SLC35F4: variants seen among roughly 807,000 people sequenced by gnomAD.
The protein encoded by SLC35F4 is solute carrier family 35 member F4, also known as chromosome 14 open reading frame 36.
In SLC35F4, 24 loss-of-function variants were observed where a neutral mutation model predicts 44.2. The ratio of observed to expected loss-of-function variants is 0.54; its 90% CI spans 0.39 to 0.76. SLC35F4 has a LOEUF of 0.76. Ranked by LOEUF, SLC35F4 falls within the 30% of genes least tolerant of loss-of-function variation. The pLI is 0.00. For synonymous variants in SLC35F4, 238 were observed against 223.6 expected, an observed-to-expected ratio of 1.06 and a Z score of -0.57; for missense variants, 562 against 586.1, an observed-to-expected ratio of 0.96 and a Z score of 0.42.
At chr14:57,792,691 A>C (rs1308767570) in intron 1 of SLC35F4, among the ~76,000 whole-genome samples, 2 of 152,176 alleles carry the variant, frequency 1.3e-5, no homozygotes, top group African/African-American at 4.8e-5. Context: ...AAAACCAAAC[A>C]TCGTGTGTTC....
chr14:57,685,964 G>T (rs960636329), intron 1 of SLC35F4, among the ~76,000 whole-genome samples: 2 of 152,198 alleles, frequency 1.3e-5, no homozygotes, highest in Non-Finnish European at 2.9e-5. Context: ...TAAGTTATGA[G>T]AGTAGGTCTG....
chr14:57,939,252 G>A (rs1889872344), intron 1 of SLC35F4, among the ~76,000 whole-genome samples: 1 of 152,196 alleles, frequency 6.6e-6, no homozygotes, highest in South Asian at 2.1e-4. Flanking sequence ...CATAACAGTA[G>A]TGAAGGGCTC....
chr14:57,716,526 A>C (rs1250994395), intron 1 of SLC35F4, among the ~76,000 whole-genome samples: 1 of 152,208 alleles, frequency 6.6e-6, no homozygotes, highest in African/African-American at 2.4e-5. Context: ...TTTCTGGTCT[A>C]AACTGTTCAT....
chr14:57,883,689 G>A (rs1888590186), intron 1 of SLC35F4, among the ~76,000 whole-genome samples: 1 of 152,114 alleles, frequency 6.6e-6, no homozygotes, highest in South Asian at 2.1e-4. Context: ...TGGCTTAATT[G>A]TCCTTGGGTG....
chr14:57,950,781 C>T (rs1422290170), intron 1 of SLC35F4, among the ~76,000 whole-genome samples: 3 of 150,476 alleles, frequency 2.0e-5, no homozygotes, highest in African/African-American at 7.4e-5. Context: ...CAATTCTCCT[C>T]CCTCAGCCTC....
chr14:57,833,264 C>T (rs1321706276), intron 1 of SLC35F4, among the ~76,000 whole-genome samples: 1 of 152,198 alleles, frequency 6.6e-6, no homozygotes, highest in Non-Finnish European at 1.5e-5. Flanking sequence ...AACCCTATCC[C>T]TAGCTCTGCA....
At chr14:57,896,478 G>T (rs75494875) in intron 1 of SLC35F4, among the ~76,000 whole-genome samples, 2,390 of 152,248 alleles carry the variant, frequency 0.016, 32 homozygotes, top group Non-Finnish European at 0.023. Context: ...AAACCCTCTA[G>T]GATGCTAGAA....
intron 1 of SLC35F4, among the ~76,000 whole-genome samples, chr14:57,738,372 T>G (rs111947427): frequency 4.9e-4 from 74 of 152,278 alleles, no homozygotes; most frequent in African/African-American, 1.8e-3. Context: ...CTGACTTCTC[T>G]ATTCTCATGA....
chr14:57,935,129 G>A (rs942295033), intron 1 of SLC35F4, among the ~76,000 whole-genome samples: 1 of 152,214 alleles, frequency 6.6e-6, no homozygotes, highest in African/African-American at 2.4e-5. Flanking sequence ...GGGGAGGAGT[G>A]AGTGAGGGTG....
At chr14:57,943,123 G>A (rs1594641396) in intron 1 of SLC35F4, among the ~76,000 whole-genome samples, 1 of 152,310 alleles carries the variant, frequency 6.6e-6, no homozygotes, top group South Asian at 2.1e-4. Context: ...GGAGAGTTTT[G>A]CTGAAGAGAT....
chr14:57,758,013 G>A (rs988486310), intron 1 of SLC35F4, among the ~76,000 whole-genome samples: 2 of 151,122 alleles, frequency 1.3e-5, no homozygotes, highest in African/African-American at 2.4e-5. Flanking sequence ...GTGTGTGTGT[G>A]TGTGTGTGTG....
chr14:57,622,171 G>A lies in SLC35F4; in HGVS notation c.104-28047C>T, dbSNP rs1595077637. 3.4e-5 allele frequency among the ~76,000 whole-genome samples: 3 copies of A among 87,066 alleles called. 1 individual carries two copies. Among genetic ancestry groups the A allele is most frequent in the South Asian group, 3.6e-4 (1 of 2,786 alleles). 57.1% of individuals were successfully genotyped at this position (87,066 alleles called of 152,430 possible). A position where few individuals can be genotyped will look rare whatever the true frequency, so the allele number is the denominator to read the frequency against. On this transcript the variant is annotated intron_variant, in intron 1 of 7. Coordinates refer to ENST00000556826, the MANE Select transcript of SLC35F4 (RefSeq NM_001306087.2). Reference sequence around the variant, plus strand: ...ATCATTAAAAAGTCAGGAAACAACAGGTGCTGGAGAGGATGTGGACAAATA... The same window carrying A: ...ATCATTAAAAAGTCAGGAAACAACAAGTGCTGGAGAGGATGTGGACAAATA...
chr14:57,765,500 A>C (rs1283056898), intron 1 of SLC35F4, among the ~76,000 whole-genome samples: 1 of 152,224 alleles, frequency 6.6e-6, no homozygotes, highest in Non-Finnish European at 1.5e-5. Context: ...ATTGAGGAAA[A>C]ATTATTAGTT....
intron 1 of SLC35F4, among the ~76,000 whole-genome samples, chr14:57,969,461 T>C (rs1699791997): frequency 1.3e-5 from 2 of 152,222 alleles, no homozygotes; most frequent in Admixed American, 6.5e-5. Flanking sequence ...AATATTATAA[T>C]ATGAAAGAGA....
chr14:57,893,264 T>C (rs950041205), intron 1 of SLC35F4, among the ~76,000 whole-genome samples: 1 of 152,200 alleles, frequency 6.6e-6, no homozygotes, highest in African/African-American at 2.4e-5. Context: ...CATGAAGCTA[T>C]GGGTCGATAT....
intron 1 of SLC35F4, among the ~76,000 whole-genome samples, chr14:57,641,379 G>C (rs1566716269): frequency 6.6e-6 from 1 of 150,822 alleles, no homozygotes; most frequent in Non-Finnish European, 1.5e-5. Context: ...TAATTCTTCT[G>C]GGCCTCAGTT....
At chr14:57,614,361 T>C (rs189407) in intron 1 of SLC35F4, among the ~76,000 whole-genome samples, 102,984 of 152,114 alleles carry the variant, frequency 0.68, 35,641 homozygotes, top group Non-Finnish European at 0.75. Context: ...ACTCTCAGTG[T>C]TGGTGCCCTG....
At chr14:57,750,503 T>C (rs1042276611) in intron 1 of SLC35F4, among the ~76,000 whole-genome samples, 1 of 152,244 alleles carries the variant, frequency 6.6e-6, no homozygotes, top group Non-Finnish European at 1.5e-5. Context: ...ACCAACAGTG[T>C]ATAAGAGTTT....
rs149443182 is a variant in SLC35F4 at position 57,743,212 on chromosome 14, T to C, written c.103+122511A>G. On this transcript the variant is annotated intron_variant, in intron 1 of 7. Coordinates refer to ENST00000556826, the MANE Select transcript of SLC35F4 (RefSeq NM_001306087.2). ...TCCAAAGCTAGCAGAAGGCAAGAAA[T>C]AACTAAAATCAGAGCAGAACTGAAG... Among the ~76,000 whole-genome samples, 175 of 151,788 alleles carry C rather than the reference T, an allele frequency of 1.2e-3. 1 individual carries two copies. Among genetic ancestry groups the C allele is most frequent in the African/African-American group, 3.9e-3 (163 of 41,356 alleles).
Sources: allele counts gnomAD v4.1 joint callset (sites outside exome capture counted in the v4.1 genomes callset), GRCh38; gene constraint gnomAD v4.1.1; transcripts MANE v1.5; gene names NCBI Gene and HGNC (gene_info 2026-07-23, HGNC 2026-07-21).